Variants in ABHD18 observed in about 807,000 individuals in gnomAD.
ABHD18 encodes cardiolipin-specific deacylase, mitochondrial.
A neutral mutation model predicts 65.9 loss-of-function variants in ABHD18; 55 were observed. The observed-to-expected ratio is 0.84, with a 90% CI of 0.67 to 1.05. The LOEUF is 1.05. Ranked by LOEUF, ABHD18 falls within the 50% of genes least tolerant of loss-of-function variation. The probability of loss-of-function intolerance (pLI) is 0.00; values close to 1 mark genes in which losing one functional copy is unlikely to be tolerated. For synonymous variants in ABHD18, 181 were observed against 180.2 expected, an observed-to-expected ratio of 1.00 and a Z score of -0.04; for missense variants, 533 against 558.5, an observed-to-expected ratio of 0.95 and a Z score of 0.46.
intron 2 of ABHD18, among the ~76,000 whole-genome samples, chr4:127,983,960 AC>A (rs1349629015): frequency 6.6e-6 from 1 of 151,992 alleles, no homozygotes; most frequent in Admixed American, 6.6e-5. Flanking sequence ...AATTGCTTGA[AC>A]CCGGGAGGCA....
chr4:128,002,986 A>C (rs190697711), intron 4 of ABHD18, among the ~76,000 whole-genome samples: 2 of 152,136 alleles, frequency 1.3e-5, no homozygotes, highest in Admixed American at 1.3e-4. Context: ...CTTATAATTT[A>C]TCTCTCTGAA....
chr4:127,995,965 A>G (rs531566992), intron 4 of ABHD18, among the ~76,000 whole-genome samples: 1 of 152,218 alleles, frequency 6.6e-6, no homozygotes, highest in African/African-American at 2.4e-5. Context: ...TCAGCCACTC[A>G]GCTCCCTGCC....
chr4:128,020,225 T>TG (rs948224679), intron 9 of ABHD18, 56 bp downstream of exon 9: 150 of 1,433,378 alleles, frequency 1.0e-4, no homozygotes, highest in South Asian at 3.3e-4. Flanking sequence ...GTAATTGTTT[T>TG]GGGGGGGTCC....
chr4:128,027,502 T>C (rs1757552281), intron 10 of ABHD18, among the ~76,000 whole-genome samples: 1 of 152,018 alleles, frequency 6.6e-6, no homozygotes, highest in African/African-American at 2.4e-5. Context: ...GCCTCCCAGA[T>C]TTAAGCGATT....
At chr4:127,973,817 CAAAAAAAAAAAAAA>C (rs57170719) in intron 1 of ABHD18, among the ~76,000 whole-genome samples, 3 of 16,610 alleles carry the variant, frequency 1.8e-4, no homozygotes, top group Admixed American at 7.4e-4. Context: ...TGATGAACAG[CAAAAAAAAAAAAAA>C]AAAAAAAAAA....
chr4:128,029,346 A>G (rs1259941368), intron 11 of ABHD18, among the ~76,000 whole-genome samples: 5 of 151,738 alleles, frequency 3.3e-5, no homozygotes, highest in Admixed American at 1.3e-4. Context: ...GGTGACAGCA[A>G]GACTCTCACA....
chr4:127,966,444 T>C (rs1245698218), intron 1 of ABHD18, among the ~76,000 whole-genome samples: 1 of 152,132 alleles, frequency 6.6e-6, no homozygotes, highest in Non-Finnish European at 1.5e-5. Context: ...GCATTTACCC[T>C]ATGCTAGGTC....
chr4:127,996,060 A>C (rs1044412059), intron 4 of ABHD18, among the ~76,000 whole-genome samples: 3 of 152,242 alleles, frequency 2.0e-5, no homozygotes, highest in African/African-American at 7.2e-5. Flanking sequence ...GGCAGGAATA[A>C]AGAAATTAAA....
At chr4:127,976,103 C>A (rs926590620) in intron 1 of ABHD18, among the ~76,000 whole-genome samples, 9 of 152,138 alleles carry the variant, frequency 5.9e-5, no homozygotes, top group Non-Finnish European at 1.5e-5. Context: ...CAGGCATGAA[C>A]CACCACGTCT....
Position 128,034,812 on chromosome 4 carries a change from G to A in ABHD18, c.1344-950G>A, listed in dbSNP as rs548261604. ...ATTATAGGCATGTGCCACCACACCCGGCTAATTTTTTGTAATTTTAGTAGA... is the reference window on the plus strand; with the variant it reads ...ATTATAGGCATGTGCCACCACACCCAGCTAATTTTTTGTAATTTTAGTAGA... On this transcript the variant is annotated intron_variant, in intron 12 of 12. Transcript: ENST00000645843. Among the ~76,000 whole-genome samples the A allele has an allele frequency of 3.9e-5, 6 of 152,032 alleles. No homozygotes were observed. The South Asian group carries it at 6.2e-4, about 16-fold the overall frequency.
chr4:128,031,343 T>C (rs1758185971), intron 12 of ABHD18: 1 of 155,556 alleles, frequency 6.4e-6, no homozygotes, highest in Admixed American at 6.6e-5. Flanking sequence ...GGTGCATGTC[T>C]GTAGTCCCAG....
chr4:127,988,175 A>T (rs1750313324), intron 3 of ABHD18, among the ~76,000 whole-genome samples: 1 of 152,238 alleles, frequency 6.6e-6, no homozygotes, highest in African/African-American at 2.4e-5. Flanking sequence ...TGGGTTATTT[A>T]ATAGATGACA....
chr4:127,998,978 G>A lies in ABHD18; in HGVS notation c.278+9157G>A, dbSNP rs536909556. Among the ~76,000 whole-genome samples the A allele has an allele frequency of 9.2e-5, 14 of 152,176 alleles. No homozygotes were observed. In the South Asian group the frequency reaches 1.5e-3, roughly 16 times the overall value. ...GCAAAGCAGTTATGCAGCTATGGAA[G>A]CGATATAGTTGTTCATTGATTTCTT... is the stretch of plus-strand genomic sequence containing the variant. On this transcript the variant is annotated intron_variant, in intron 4 of 12. Coordinates refer to ENST00000645843, the MANE Select transcript of ABHD18 (RefSeq NM_001358451.3).
intron 6 of ABHD18, among the ~76,000 whole-genome samples, chr4:128,010,263 C>T (rs1754299843): frequency 6.6e-6 from 1 of 152,230 alleles, no homozygotes; most frequent in South Asian, 2.1e-4. Context: ...GGTGCAGTGG[C>T]TCACGCCTGT....
chr4:127,996,798 A>G (rs1751810045), intron 4 of ABHD18, among the ~76,000 whole-genome samples: 1 of 152,174 alleles, frequency 6.6e-6, no homozygotes, highest in East Asian at 1.9e-4. Context: ...TTCCTGGGAA[A>G]AGAATTCAGC....
At chr4:127,968,526 T>G (rs563416358) in intron 1 of ABHD18, among the ~76,000 whole-genome samples, 1 of 152,314 alleles carries the variant, frequency 6.6e-6, no homozygotes, top group Middle Eastern at 3.4e-3. Flanking sequence ...AAAATTAGTA[T>G]TGCATTGTTA....
intron 3 of ABHD18, among the ~76,000 whole-genome samples, chr4:127,989,459 C>T (rs1209232708): frequency 1.3e-5 from 2 of 151,976 alleles, no homozygotes; most frequent in Non-Finnish European, 2.9e-5. Context: ...ATAAATGCTT[C>T]AGGTGATGGA....
intron 1 of ABHD18, among the ~76,000 whole-genome samples, chr4:127,971,030 G>A (rs1330273096): frequency 1.3e-5 from 2 of 151,292 alleles, no homozygotes; most frequent in African/African-American, 4.9e-5. Context: ...AGCTGAGATC[G>A]TGCCACTGCA....
intron 1 of ABHD18, among the ~76,000 whole-genome samples, chr4:127,970,422 G>A (rs1048837282): frequency 2.6e-5 from 4 of 151,126 alleles, no homozygotes; most frequent in African/African-American, 7.3e-5. Context: ...GAGAAACCCC[G>A]TCTCTACTAA....
Sources: allele counts gnomAD v4.1 joint callset (sites outside exome capture counted in the v4.1 genomes callset), GRCh38; gene constraint gnomAD v4.1.1; transcripts MANE v1.5; gene names NCBI Gene and HGNC (gene_info 2026-07-23, HGNC 2026-07-21).